Variants in LRMDA observed in about 807,000 individuals in gnomAD.
LRMDA encodes the protein leucine rich melanocyte differentiation associated.
Under a neutral mutation model 29.8 loss-of-function variants are expected in LRMDA, and 18 were observed. That is an observed-to-expected ratio of 0.60 (90% confidence interval 0.42 to 0.90). The LOEUF is 0.90. Ranked by LOEUF, LRMDA falls within the 40% of genes least tolerant of loss-of-function variation. The pLI is 0.00. For missense variants in LRMDA, 273 were observed against 273.9 expected, an observed-to-expected ratio of 1.00 and a Z score of 0.02; for synonymous variants, 125 against 109.4, an observed-to-expected ratio of 1.14 and a Z score of -0.89.
intron 6 of LRMDA, among the ~76,000 whole-genome samples, chr10:76,414,094 T>C (rs1426356841): frequency 3.9e-5 from 6 of 152,200 alleles, no homozygotes; most frequent in Non-Finnish European, 8.8e-5. Context: ...TTGGAGGTGA[T>C]TGATCTCTGC....
chr10:76,546,146 G>A (rs149586332), intron 6 of LRMDA, among the ~76,000 whole-genome samples: 4 of 152,310 alleles, frequency 2.6e-5, no homozygotes, highest in African/African-American at 9.6e-5. Context: ...AGTATGCTGA[G>A]ATCTTTTCAT....
In LRMDA at chr10:76,500,797, T is replaced by C. The variant is rs1257488738; in HGVS notation, c.602-56412T>C. Among the ~76,000 whole-genome samples, 4 of 75,622 alleles carry C rather than the reference T, an allele frequency of 5.3e-5. 2 individuals are homozygous for C. Among genetic ancestry groups the C allele is most frequent in the Admixed American group, 4.9e-4 (4 of 8,126 alleles). The allele number at this position is 75,622 out of a possible 152,430, so 49.6% of individuals were successfully genotyped here. A position where few individuals can be genotyped will look rare whatever the true frequency, so the allele number is the denominator to read the frequency against. On this transcript the variant is annotated intron_variant, in intron 6 of 6. Coordinates refer to ENST00000611255, the MANE Select transcript of LRMDA (RefSeq NM_001305581.2). ...TATGCAAAATATAATTTTTTAATTA[T>C]AAAAGAAATCAAGGAAAAGGTATGC...
chr10:76,246,571 C>T (rs1589392593), intron 5 of LRMDA, among the ~76,000 whole-genome samples: 1 of 152,180 alleles, frequency 6.6e-6, no homozygotes, highest in African/African-American at 2.4e-5. Context: ...CGAATCCACA[C>T]CTGACTGTGG....
chr10:76,066,969 G>A (rs1033228272), intron 5 of LRMDA, among the ~76,000 whole-genome samples: 2 of 152,206 alleles, frequency 1.3e-5, no homozygotes, highest in South Asian at 2.1e-4. Context: ...GTCTGAGGCT[G>A]CCACAGTGTT....
At chr10:76,176,884 C>T (rs1274312789) in intron 5 of LRMDA, among the ~76,000 whole-genome samples, 6 of 152,180 alleles carry the variant, frequency 3.9e-5, no homozygotes, top group African/African-American at 1.2e-4. Flanking sequence ...TGGTAAGACA[C>T]TTGTATCCTG....
intron 2 of LRMDA, among the ~76,000 whole-genome samples, chr10:75,510,230 G>A (rs982940296): frequency 1.6e-4 from 25 of 152,300 alleles, no homozygotes; most frequent in Non-Finnish European, 2.9e-4. Flanking sequence ...TAGGGGAGAG[G>A]AGAGTCCTAT....
chr10:75,829,392 CT>C (rs1262011808), intron 2 of LRMDA, among the ~76,000 whole-genome samples: 26 of 152,284 alleles, frequency 1.7e-4, no homozygotes, highest in African/African-American at 6.0e-4. Context: ...TTTTAATGGG[CT>C]GTCTGTGGCC....
At chr10:75,775,222 A>G (rs1843295734) in intron 2 of LRMDA, among the ~76,000 whole-genome samples, 1 of 152,174 alleles carries the variant, frequency 6.6e-6, no homozygotes. Context: ...GTCTGACTCA[A>G]ACAAGCATTG....
intron 5 of LRMDA, among the ~76,000 whole-genome samples, chr10:76,118,391 A>G (rs951029326): frequency 6.6e-6 from 1 of 152,174 alleles, no homozygotes; most frequent in Admixed American, 6.5e-5. Flanking sequence ...GAGAACTTCT[A>G]TATTAAGATA....
chr10:76,115,983 G>A (rs1400983243), intron 5 of LRMDA, among the ~76,000 whole-genome samples: 1 of 152,182 alleles, frequency 6.6e-6, no homozygotes, highest in Non-Finnish European at 1.5e-5. Context: ...AATGCATCAA[G>A]TACTGCCAGC....
rs1007209221 is a variant in LRMDA, at chr10:76,558,662, A to G, written c.*1374A>G. On this transcript the variant is annotated 3_prime_UTR_variant, in exon 7 of 7. Transcript: ENST00000611255. ...CAAAACCTGAAAGAGAATCCCTCCA[A>G]GTTATAGATACTGAGGGACTAGGAG... 1 of 152,188 alleles carries G rather than the reference A, an allele frequency of 6.6e-6. No homozygotes were observed. The highest frequency in any genetic ancestry group is 1.5e-5 in the Non-Finnish European group (1 of 68,034). 9.4% of individuals were successfully genotyped at this position (152,188 alleles called of 1,614,324 possible). A position where few individuals can be genotyped will look rare whatever the true frequency, so the allele number is the denominator to read the frequency against.
chr10:76,365,753 G>A (rs1029142596), intron 6 of LRMDA, among the ~76,000 whole-genome samples: 10 of 152,286 alleles, frequency 6.6e-5, no homozygotes, highest in Non-Finnish European at 1.5e-4. Flanking sequence ...AGTTTAGTTA[G>A]GTCTCAGCTA....
intron 5 of LRMDA, among the ~76,000 whole-genome samples, chr10:76,233,896 A>G (rs560526465): frequency 3.4e-4 from 52 of 152,280 alleles, no homozygotes; most frequent in Admixed American, 2.0e-3. Flanking sequence ...TGAGCCCCTC[A>G]AAATCATCCG....
chr10:75,536,192 G>T lies in LRMDA; in HGVS notation c.131+97698G>T, dbSNP rs1213710309. On this transcript the variant is annotated intron_variant, in intron 2 of 6. Coordinates refer to ENST00000611255, the MANE Select transcript of LRMDA (RefSeq NM_001305581.2). Reference sequence around the variant, plus strand: ...GTCTACCCAGATCTTAACCATCCTTGCAGGGCGGGTTCACATGACTCCAGG... The same window carrying T: ...GTCTACCCAGATCTTAACCATCCTTTCAGGGCGGGTTCACATGACTCCAGG... Among the ~76,000 whole-genome samples the T allele has an allele frequency of 3.9e-5, 6 of 152,154 alleles. No homozygotes were observed. In the South Asian group the frequency reaches 1.2e-3, roughly 32 times the overall value.
intron 5 of LRMDA, among the ~76,000 whole-genome samples, chr10:76,074,456 G>A (rs887558488): frequency 3.3e-5 from 5 of 152,174 alleles, no homozygotes; most frequent in African/African-American, 1.2e-4. Context: ...CTATCAAAGG[G>A]GGATATTTGA....
intron 5 of LRMDA, among the ~76,000 whole-genome samples, chr10:76,132,966 CTTTTTTTTTTTTTTTT>C (rs35997711): frequency 1.7e-5 from 1 of 57,372 alleles, no homozygotes; most frequent in African/African-American, 6.9e-5. Context: ...CCACGCCCGG[CTTTTTTTTTTTTTTTT>C]TTTTTTTTTT....
intron 6 of LRMDA, among the ~76,000 whole-genome samples, chr10:76,459,372 C>T (rs930721882): frequency 2.6e-5 from 4 of 152,138 alleles, no homozygotes; most frequent in African/African-American, 4.8e-5. Context: ...CTAAAAGGAA[C>T]TTTCTCCGTC....
At chr10:75,631,509 A>G (rs1242795348) in intron 2 of LRMDA, among the ~76,000 whole-genome samples, 3 of 150,896 alleles carry the variant, frequency 2.0e-5, no homozygotes, top group Admixed American at 6.6e-5. Context: ...GGTCCTTTCC[A>G]TTTTTGATGG....
At chr10:75,607,654 G>A (rs1840972331) in intron 2 of LRMDA, among the ~76,000 whole-genome samples, 1 of 152,006 alleles carries the variant, frequency 6.6e-6, no homozygotes, top group African/African-American at 2.4e-5. Context: ...TTTTAAGGGA[G>A]AATCACTGCC....
Sources: allele counts gnomAD v4.1 joint callset (sites outside exome capture counted in the v4.1 genomes callset), GRCh38; gene constraint gnomAD v4.1.1; transcripts MANE v1.5; gene names NCBI Gene and HGNC (gene_info 2026-07-23, HGNC 2026-07-21).